Variants in PGAP1 observed in about 807,000 individuals in gnomAD.
The protein encoded by PGAP1 is GPI inositol-deacylase.
PGAP1 carries 76 observed loss-of-function variants against 127.0 expected under a neutral mutation model. The observed-to-expected ratio is 0.60, with a 90% CI of 0.50 to 0.72. PGAP1 has a LOEUF of 0.72. Ranked by LOEUF, PGAP1 falls within the 30% of genes least tolerant of loss-of-function variation. The pLI is 0.00. For synonymous variants in PGAP1, 362 were observed against 366.5 expected, an observed-to-expected ratio of 0.99 and a Z score of 0.14; for missense variants, 982 against 1,071.3, an observed-to-expected ratio of 0.92 and a Z score of 1.16.
rs951886842 is a variant in PGAP1 at position 196,891,059 on chromosome 2, A to C, written c.1090-148T>G. The stretch of plus-strand genomic sequence containing the variant: ...CCAATTCTCTAGGAGTGGGAGAAGG[A>C]AGATACAGAAGGGCAAGAGAAAGAT... On this transcript the variant is annotated intron_variant, in intron 9 of 26. Transcript: ENST00000354764. The C allele has an allele frequency of 9.0e-6, 5 of 555,572 alleles. No individual in the cohort carries two copies. The African/African-American group carries it at 9.4e-5, about 10-fold the overall frequency. The allele number at this position is 555,572 out of a possible 1,614,324, so 34.4% of individuals were successfully genotyped here.
In PGAP1 at chr2:196,895,546, A is replaced by G. The variant is rs900096570; in HGVS notation, c.927+1585T>C. On this transcript the variant is annotated intron_variant, in intron 7 of 26. Coordinates refer to ENST00000354764, the MANE Select transcript of PGAP1 (RefSeq NM_024989.4). ...TGTTTGTGTTGCATGACCAAGTCAC[A>G]GTGTCAACTTGGTGAAGCTTGTTTA... 3.9e-5 allele frequency among the ~76,000 whole-genome samples: 6 copies of G among 152,338 alleles called. No individual in the cohort carries two copies. The South Asian group carries it at 1.2e-3, about 32-fold the overall frequency.
intron 18 of PGAP1, among the ~76,000 whole-genome samples, chr2:196,871,430 T>G (rs2125798910): frequency 6.6e-6 from 1 of 152,244 alleles, no homozygotes; most frequent in Non-Finnish European, 1.5e-5. Flanking sequence ...TAAAATGATT[T>G]TGTCAAAATA....
intron 22 of PGAP1, 148 bp from the exon 23 acceptor site, chr2:196,846,165 G>A: frequency 2.2e-6 from 1 of 444,600 alleles, no homozygotes; most frequent in Non-Finnish European, 3.8e-6. Context: ...TTAAATAAAG[G>A]CAAGTGGTCC....
intron 10 of PGAP1, among the ~76,000 whole-genome samples, chr2:196,887,136 G>A (rs965727343): frequency 2.6e-5 from 4 of 151,920 alleles, no homozygotes; most frequent in African/African-American, 7.2e-5. Flanking sequence ...CAGTGTGACC[G>A]CACTGTGGGA....
chr2:196,920,735 C>T (rs551523287), intron 1 of PGAP1, among the ~76,000 whole-genome samples: 8 of 152,222 alleles, frequency 5.3e-5, no homozygotes, highest in African/African-American at 1.9e-4. Flanking sequence ...TTGGTCAAGA[C>T]ATGTACACTC....
chr2:196,846,640 TCTGGTTTACAGTCTCTTGCCCC>T (rs1171770157), intron 22 of PGAP1, among the ~76,000 whole-genome samples: 1 of 152,186 alleles, frequency 6.6e-6, no homozygotes, highest in African/African-American at 2.4e-5. Context: ...GATCCTAATA[TCTGGTTTACAGTCTCTTGCCCC>T]CTGGTTTCAA....
At chr2:196,849,325 A>T (rs1200616116) in intron 20 of PGAP1, among the ~76,000 whole-genome samples, 4 of 146,596 alleles carry the variant, frequency 2.7e-5, no homozygotes, top group African/African-American at 1.0e-4. Context: ...GTGCAGTGGC[A>T]CGATCTTGGC....
At chr2:196,897,723 C>CA (rs1179079676) in intron 6 of PGAP1, among the ~76,000 whole-genome samples, 1 of 152,130 alleles carries the variant, frequency 6.6e-6, no homozygotes, top group Admixed American at 6.5e-5. Context: ...CAGTTGATTC[C>CA]ACCCAACTAG....
chr2:196,841,122 T>C lies in PGAP1; in HGVS notation c.*112A>G, dbSNP rs778879644. 7 of 1,124,926 alleles carry C rather than the reference T, an allele frequency of 6.2e-6. No individual in the cohort carries two copies. In the Admixed American group the frequency reaches 1.0e-4, roughly 17 times the overall value. The allele number at this position is 1,124,926 out of a possible 1,614,324, so 69.7% of individuals were successfully genotyped here. A position where few individuals can be genotyped will look rare whatever the true frequency, so the allele number is the denominator to read the frequency against. ...TTTCCTATTTTCAATATTGTAAAAA[T>C]AGACTTGTCTTCTCCAAAGGATCTT... On this transcript the variant is annotated 3_prime_UTR_variant, in exon 27 of 27. Transcript: ENST00000354764.
chr2:196,861,190 A>T (rs1380942146), intron 20 of PGAP1, among the ~76,000 whole-genome samples: 2 of 152,226 alleles, frequency 1.3e-5, no homozygotes, highest in Non-Finnish European at 2.9e-5. Context: ...AAATCAAAAT[A>T]AAGACTTAAA....
chr2:196,844,015 G>T lies in PGAP1; in HGVS notation c.2398C>A (p.His800Asn). ...KSNHHKDSSI[H>N]HLRLSANDAE... Reference sequence around the variant, plus strand: ...TCGTTGGCAGATAAACGAAGATGGTGTATTGAGGAGTCTTTATGATGATTG... The same window carrying T: ...TCGTTGGCAGATAAACGAAGATGGTTTATTGAGGAGTCTTTATGATGATTG... Residue 800 changes from histidine to asparagine, a missense_variant, in exon 25 of 27, where the codon CAC (histidine) becomes AAC (asparagine). Transcript: ENST00000354764. 1.2e-6 allele frequency: 2 copies of T among 1,605,110 alleles called. No homozygotes were observed. The highest frequency in any genetic ancestry group is 2.2e-5 in the South Asian group (2 of 89,894).
chr2:196,876,217 A>G (rs891220413), intron 13 of PGAP1, among the ~76,000 whole-genome samples: 6 of 152,132 alleles, frequency 3.9e-5, no homozygotes, highest in Non-Finnish European at 4.4e-5. Flanking sequence ...CATAGTCAAA[A>G]GGAAAATGTG....
intron 10 of PGAP1, among the ~76,000 whole-genome samples, chr2:196,890,217 G>T (rs911823847): frequency 6.6e-5 from 10 of 152,172 alleles, no homozygotes; most frequent in African/African-American, 2.4e-4. Flanking sequence ...TTACAGACGT[G>T]AGCCACCACA....
chr2:196,862,831 T>G (rs1701111600), intron 20 of PGAP1, among the ~76,000 whole-genome samples: 1 of 152,244 alleles, frequency 6.6e-6, no homozygotes, highest in South Asian at 2.1e-4. Context: ...GGCAGGAGAA[T>G]CTCTTGAACC....
rs73062982 is a variant in PGAP1 at position 196,839,330 on chromosome 2, T to C, written c.*1904A>G. 0.1 allele frequency: 15,558 copies of C among 152,416 alleles called. 963 individuals are homozygous for C. The highest frequency in any genetic ancestry group is 0.17 in the African/African-American group (7,171 of 41,520). The allele number at this position is 152,416 out of a possible 1,614,324, so 9.4% of individuals were successfully genotyped here. On this transcript the variant is annotated 3_prime_UTR_variant, in exon 27 of 27. Coordinates refer to ENST00000354764, the MANE Select transcript of PGAP1 (RefSeq NM_024989.4). Reference sequence around the variant, plus strand: ...ATAAAAGACGCAATGTGTATCAAAGTTGTTTATAAGTATAGTTAAACATAG... The same window carrying C: ...ATAAAAGACGCAATGTGTATCAAAGCTGTTTATAAGTATAGTTAAACATAG...
At chr2:196,894,759 G>A (rs1020915757) in intron 7 of PGAP1, among the ~76,000 whole-genome samples, 3 of 152,040 alleles carry the variant, frequency 2.0e-5, no homozygotes, top group African/African-American at 4.8e-5. Flanking sequence ...CCGAGATCGC[G>A]CCACTGCACT....
chr2:196,865,437 C>T (rs1006419121), intron 19 of PGAP1, among the ~76,000 whole-genome samples: 5 of 152,054 alleles, frequency 3.3e-5, no homozygotes, highest in African/African-American at 1.2e-4. Context: ...TAGTTCTTAT[C>T]CCTATTCTAT....
At position 196,836,699 on chromosome 2, in the gene PGAP1, A is replaced by C. The variant is rs1316564775; in HGVS notation, c.*4535T>G. 6.6e-6 allele frequency: 1 copy of C among 152,190 alleles called. No individual in the cohort carries two copies. Among genetic ancestry groups the C allele is most frequent in the East Asian group, 1.9e-4 (1 of 5,198 alleles). 9.4% of individuals were successfully genotyped at this position (152,190 alleles called of 1,614,324 possible). ...TTTAAAACATTCTTAGTTCAAAAAA[A>C]AACTGGAATAAAATTTTGGCTCCTA... On this transcript the variant is annotated 3_prime_UTR_variant, in exon 27 of 27. Transcript: ENST00000354764.
rs75992493 is a variant in PGAP1, at chr2:196,843,184, G to T, written c.2526-359C>A. ...CAAAAAAGATAAAATGAAGGTTCAT[G>T]AAGTTAATTGTCCCTTATCTTTTTA... is the stretch of plus-strand genomic sequence containing the variant. On this transcript the variant is annotated intron_variant, in intron 25 of 26. Coordinates refer to ENST00000354764, the MANE Select transcript of PGAP1 (RefSeq NM_024989.4). Among the ~76,000 whole-genome samples the T allele has an allele frequency of 8.9e-3, 1,362 of 152,228 alleles. 21 individuals carry two copies. The highest frequency in any genetic ancestry group is 0.03 in the African/African-American group (1,259 of 41,568).
Sources: gnomAD v4.1 joint callset for allele counts (sites outside exome capture counted in the v4.1 genomes callset) on GRCh38, gnomAD v4.1.1 for gene constraint, MANE v1.5 for transcripts, NCBI Gene and HGNC (gene_info 2026-07-23, HGNC 2026-07-21) for gene names.